ST6GALNAC3: variants seen among roughly 807,000 people sequenced by gnomAD.
ST6GALNAC3 encodes alpha-N-acetylgalactosaminide alpha-2,6-sialyltransferase 3.
ST6GALNAC3 carries 25 observed loss-of-function variants against 32.7 expected under a neutral mutation model. The ratio of observed to expected loss-of-function variants is 0.76; its 90% CI spans 0.56 to 1.07. The LOEUF (loss-of-function observed/expected upper bound fraction) is 1.07, where lower values mean the gene tolerates loss of function less well. ST6GALNAC3 is among the 50% of genes least tolerant of loss of function. The pLI is 0.00. For synonymous variants in ST6GALNAC3, 129 were observed against 133.1 expected (o/e 0.97, Z 0.21); for missense variants, 355 against 382.4 (o/e 0.93, Z 0.60).
intron 3 of ST6GALNAC3, among the ~76,000 whole-genome samples, chr1:76,487,619 C>A (rs1660212706): frequency 6.6e-6 from 1 of 152,108 alleles, no homozygotes; most frequent in Non-Finnish European, 1.5e-5. Flanking sequence ...TTCTAGTTAG[C>A]CATTTGTCTA....
At chr1:76,407,489 G>C (rs940171802) in intron 2 of ST6GALNAC3, among the ~76,000 whole-genome samples, 15 of 151,980 alleles carry the variant, frequency 9.9e-5, no homozygotes, top group Non-Finnish European at 7.4e-5. Context: ...TTAAATAAAA[G>C]GAAGTGTTTG....
chr1:76,259,917 C>T (rs752562256), intron 1 of ST6GALNAC3, among the ~76,000 whole-genome samples: 2 of 152,154 alleles, frequency 1.3e-5, no homozygotes, highest in Admixed American at 6.5e-5. Flanking sequence ...CCTGGGATGA[C>T]ACTCTGCAGG....
intron 1 of ST6GALNAC3, among the ~76,000 whole-genome samples, chr1:76,302,827 AC>A (rs1160095863): frequency 6.6e-6 from 1 of 152,016 alleles, no homozygotes; most frequent in African/African-American, 2.4e-5. Context: ...ATTGCACAAA[AC>A]ACACAAACAA....
chr1:76,089,522 CAG>C (rs1446503264), intron 1 of ST6GALNAC3, among the ~76,000 whole-genome samples: 26 of 152,298 alleles, frequency 1.7e-4, no homozygotes, highest in African/African-American at 5.5e-4. Flanking sequence ...TTGTTTATGA[CAG>C]AGCTTGGAGT....
chr1:76,523,988 T>C (rs1252271832), intron 3 of ST6GALNAC3, among the ~76,000 whole-genome samples: 1 of 152,198 alleles, frequency 6.6e-6, no homozygotes, highest in East Asian at 1.9e-4. Flanking sequence ...TTATTACACC[T>C]GTCCAATAGC....
chr1:76,496,708 G>A (rs534385646), intron 3 of ST6GALNAC3, among the ~76,000 whole-genome samples: 2 of 152,270 alleles, frequency 1.3e-5, no homozygotes, highest in East Asian at 3.9e-4. Context: ...TAATTAAATT[G>A]TGTCCCAGCA....
intron 2 of ST6GALNAC3, among the ~76,000 whole-genome samples, chr1:76,319,575 T>C (rs1291389382): frequency 1.3e-5 from 2 of 152,174 alleles, no homozygotes; most frequent in East Asian, 1.9e-4. Flanking sequence ...AAAGCTGACA[T>C]GAATAGGTTT....
chr1:76,389,259 T>C (rs1446226425), intron 2 of ST6GALNAC3, among the ~76,000 whole-genome samples: 2 of 152,046 alleles, frequency 1.3e-5, no homozygotes, highest in African/African-American at 2.4e-5. Flanking sequence ...AAAGACAGAA[T>C]AGTCTCAGTC....
intron 3 of ST6GALNAC3, among the ~76,000 whole-genome samples, chr1:76,432,714 C>A (rs1350132475): frequency 6.6e-6 from 1 of 151,960 alleles, no homozygotes; most frequent in Non-Finnish European, 1.5e-5. Context: ...ACCTTGACAT[C>A]CCAGAGTGCT....
chr1:76,482,461 G>A (rs1659788287), intron 3 of ST6GALNAC3, among the ~76,000 whole-genome samples: 2 of 152,156 alleles, frequency 1.3e-5, no homozygotes, highest in Non-Finnish European at 2.9e-5. Flanking sequence ...AGAAAAGATG[G>A]GAATGATAAT....
At position 76,445,777 on chromosome 1, in the gene ST6GALNAC3, C is replaced by G. The variant is rs150434827; in HGVS notation, c.623+33360C>G. Among the ~76,000 whole-genome samples, 36 of 152,270 alleles carry G rather than the reference C, an allele frequency of 2.4e-4. No individual in the cohort carries two copies. The East Asian group carries it at 6.8e-3, about 29-fold the overall frequency. ...GCTTTTATTTTTTATGAAAATAATG[C>G]ATGCATGTACTTAAAAATCTGTTTT... is the stretch of plus-strand genomic sequence containing the variant. On this transcript the variant is annotated intron_variant, in intron 3 of 4. Coordinates refer to ENST00000328299, the MANE Select transcript of ST6GALNAC3 (RefSeq NM_152996.4).
intron 1 of ST6GALNAC3, among the ~76,000 whole-genome samples, chr1:76,249,315 C>T (rs1244705368): frequency 6.6e-6 from 1 of 152,130 alleles, no homozygotes; most frequent in Non-Finnish European, 1.5e-5. Context: ...TTACCTACTC[C>T]AGACATACAT....
intron 3 of ST6GALNAC3, among the ~76,000 whole-genome samples, chr1:76,475,064 C>T (rs555517193): frequency 1.3e-5 from 2 of 152,028 alleles, no homozygotes; most frequent in Non-Finnish European, 2.9e-5. Flanking sequence ...ACTTTTGTTC[C>T]GTGTGTGCAT....
chr1:76,357,130 C>CTTTTTTTTTTTTTTTTTTTTTTT (rs55786044), intron 2 of ST6GALNAC3, among the ~76,000 whole-genome samples: 99 of 111,168 alleles, frequency 8.9e-4, no homozygotes, highest in East Asian at 1.4e-3. Flanking sequence ...TTTTCTTTTT[C>CTTTTTTTTTTTTTTTTTTTTTTT]TTTTTTTTTT....
chr1:76,478,974 A>G (rs887579813), intron 3 of ST6GALNAC3, among the ~76,000 whole-genome samples: 4 of 151,948 alleles, frequency 2.6e-5, no homozygotes, highest in Admixed American at 6.6e-5. Context: ...TGTGTTAGAC[A>G]GGATGGTCTC....
At chr1:76,338,141 GC>G (rs1647658708) in intron 2 of ST6GALNAC3, among the ~76,000 whole-genome samples, 1 of 152,180 alleles carries the variant, frequency 6.6e-6, no homozygotes, top group South Asian at 2.1e-4. Flanking sequence ...TGGGTGGACT[GC>G]TTTGCAAAGC....
At chr1:76,616,024 G>A (rs1454871142) in intron 3 of ST6GALNAC3, among the ~76,000 whole-genome samples, 1 of 152,156 alleles carries the variant, frequency 6.6e-6, no homozygotes, top group Admixed American at 6.6e-5. Flanking sequence ...AAAAGGAGGT[G>A]AGGCCCTGGT....
intron 2 of ST6GALNAC3, among the ~76,000 whole-genome samples, chr1:76,395,972 A>G (rs936620058): frequency 6.6e-6 from 1 of 152,142 alleles, no homozygotes; most frequent in African/African-American, 2.4e-5. Flanking sequence ...AGGACATGAA[A>G]TGTTCCCAAC....
chr1:76,151,563 T>C (rs1192123642), intron 1 of ST6GALNAC3, among the ~76,000 whole-genome samples: 1 of 152,124 alleles, frequency 6.6e-6, no homozygotes, highest in Non-Finnish European at 1.5e-5. Flanking sequence ...CAATAAAGGA[T>C]GTGCTATCAA....
Sources: allele counts gnomAD v4.1 joint callset (sites outside exome capture counted in the v4.1 genomes callset), GRCh38; gene constraint gnomAD v4.1.1; transcripts MANE v1.5; gene names NCBI Gene and HGNC (gene_info 2026-07-23, HGNC 2026-07-21).